Variants in DRGX observed in about 807,000 individuals in gnomAD.
The protein encoded by DRGX is dorsal root ganglia homeobox.
DRGX carries 21 observed loss-of-function variants against 28.6 expected under a neutral mutation model. The ratio of observed to expected loss-of-function variants is 0.73; its 90% CI spans 0.52 to 1.06. The LOEUF (loss-of-function observed/expected upper bound fraction) is 1.06, where lower values mean the gene tolerates loss of function less well. DRGX is among the 50% of genes least tolerant of loss of function. The pLI is 0.00. For missense variants in DRGX, 354 were observed against 343.9 expected, an observed-to-expected ratio of 1.03 and a Z score of -0.23; for synonymous variants, 136 against 139.1, an observed-to-expected ratio of 0.98 and a Z score of 0.16.
At chr10:49,392,837 A>T (rs2132487975) in intron 2 of DRGX, among the ~76,000 whole-genome samples, 1 of 152,326 alleles carries the variant, frequency 6.6e-6, no homozygotes, top group South Asian at 2.1e-4. Flanking sequence ...AAAATGCTAA[A>T]CCTTGAGGAT....
Position 49,384,081 on chromosome 10 carries a change from G to A in DRGX, c.526+2397C>T, listed in dbSNP as rs150970548. 7.2e-4 allele frequency among the ~76,000 whole-genome samples: 109 copies of A among 152,334 alleles called. 1 individual carries two copies. Among genetic ancestry groups the A allele is most frequent in the African/African-American group, 2.0e-3 (85 of 41,584 alleles). ...GCCCCAGCCTGCCTCTGCCCAACCC[G>A]AATCTGAGGGTGCCCCCAGCATGGC... On this transcript the variant is annotated intron_variant, in intron 6 of 6. Transcript: ENST00000374139.
Position 49,395,537 on chromosome 10 carries a change from C to A in DRGX, c.-81-16G>T, listed in dbSNP as rs1849958652. ...TCCTGCCTGGCTGCAAAGCAAACAG[C>A]GATAGAGCTTCAAGTCTCCCTCTGC... On this transcript the variant is annotated splice_polypyrimidine_tract_variant and intron_variant, in intron 1 of 6. Transcript: ENST00000374139. 21 of 1,400,324 alleles carry A rather than the reference C, an allele frequency of 1.5e-5. No individual in the cohort carries two copies. The highest frequency in any genetic ancestry group is 2.1e-5 in the Non-Finnish European group (21 of 1,017,228). The allele number at this position is 1,400,324 out of a possible 1,614,324, so 86.7% of individuals were successfully genotyped here. A position where few individuals can be genotyped will look rare whatever the true frequency, so the allele number is the denominator to read the frequency against.
chr10:49,386,566 T>G lies in DRGX; in HGVS notation c.438A>C (p.Ala146=). Residue 146 remains alanine (A), a synonymous_variant, in exon 6 of 7, where the codon GCA becomes GCC. Transcript: ENST00000374139. ...QQSLGRTVGP[A]GPFFPSCLPG... ...GCAAGCAGGAGGGGAAGAAAGGCCC[T>G]GCAGGACCTACCGTTCGCCCCAGGC... 6.3e-7 allele frequency: 1 copy of G among 1,591,658 alleles called. No individual in the cohort carries two copies. Among genetic ancestry groups the G allele is most frequent in the Non-Finnish European group, 8.6e-7 (1 of 1,169,074 alleles).
At position 49,365,425 on chromosome 10, in the gene DRGX, C is replaced by T. The variant is rs890286078; in HGVS notation, c.*691G>A. On this transcript the variant is annotated 3_prime_UTR_variant, in exon 7 of 7. Transcript: ENST00000374139. ...CACCCACAGTGTCAAGACAGCAGCC[C>T]CCAGTTCATGGAGCAGGTGGCCTGG... is the stretch of plus-strand genomic sequence containing the variant. 6.6e-6 allele frequency: 1 copy of T among 152,314 alleles called. No individual in the cohort carries two copies. The highest frequency in any genetic ancestry group is 2.1e-4 in the South Asian group (1 of 4,830). The allele number at this position is 152,314 out of a possible 1,614,324, so 9.4% of individuals were successfully genotyped here.
chr10:49,392,614 G>T (rs1056451088), intron 2 of DRGX, among the ~76,000 whole-genome samples: 6 of 152,078 alleles, frequency 3.9e-5, no homozygotes, highest in Admixed American at 2.0e-4. Flanking sequence ...TCACAATTTC[G>T]CTCAGTCTTC....
chr10:49,374,307 A>G (rs1453741584), intron 6 of DRGX, among the ~76,000 whole-genome samples: 1 of 152,198 alleles, frequency 6.6e-6, no homozygotes, highest in Non-Finnish European at 1.5e-5. Flanking sequence ...CACTCAGGGT[A>G]TTGACAGCAA....
In DRGX at chr10:49,380,583, G is replaced by T. The variant is rs536045056; in HGVS notation, c.526+5895C>A. On this transcript the variant is annotated intron_variant, in intron 6 of 6. Transcript: ENST00000374139. Reference sequence around the variant, plus strand: ...TGAGAGTTTCCATAAAATAAAACATGCCCACAGTGAGCCCAGCAAGCCTGC... The same window carrying T: ...TGAGAGTTTCCATAAAATAAAACATTCCCACAGTGAGCCCAGCAAGCCTGC... Among the ~76,000 whole-genome samples, 3 of 152,248 alleles carry T rather than the reference G, an allele frequency of 2.0e-5. No individual in the cohort carries two copies. In the East Asian group the frequency reaches 5.8e-4, roughly 29 times the overall value.
At chr10:49,395,301 C>G in intron 2 of DRGX, 106 bp downstream of exon 2, 1 of 1,401,878 alleles carries the variant, frequency 7.1e-7, no homozygotes, top group Non-Finnish European at 9.7e-7. Context: ...GGCGGCTGCG[C>G]CCCCCGCAGG....
rs1288356272 is a variant in DRGX at position 49,365,019 on chromosome 10, C to G, written c.*1097G>C. On this transcript the variant is annotated 3_prime_UTR_variant, in exon 7 of 7. Coordinates refer to ENST00000374139, the MANE Select transcript of DRGX (RefSeq NM_001276451.2). The stretch of plus-strand genomic sequence containing the variant: ...ACCAGAGAAAACAGCCACACTAGAC[C>G]AAAACAGAAATCTCTGTGAAATTTG... 4 of 152,224 alleles carry G rather than the reference C, an allele frequency of 2.6e-5. No individual in the cohort carries two copies. Among genetic ancestry groups the G allele is most frequent in the Non-Finnish European group, 5.9e-5 (4 of 68,080 alleles). The allele number at this position is 152,224 out of a possible 1,614,324, so 9.4% of individuals were successfully genotyped here.
chr10:49,377,740 G>T (rs994683935), intron 6 of DRGX, among the ~76,000 whole-genome samples: 3 of 152,202 alleles, frequency 2.0e-5, no homozygotes, highest in Non-Finnish European at 4.4e-5. Flanking sequence ...CCATCTGACT[G>T]CAACCTCACG....
chr10:49,365,283 CCTGGACCAGAGAGCTG>C lies in DRGX; in HGVS notation c.*817_*832del, dbSNP rs199981745. 7 of 152,438 alleles carry C rather than the reference CCTGGACCAGAGAGCTG, an allele frequency of 4.6e-5. No individual in the cohort carries two copies. In the East Asian group the frequency reaches 1.3e-3, roughly 29 times the overall value. 9.4% of individuals were successfully genotyped at this position (152,438 alleles called of 1,614,324 possible). ...CCCTCTCCAAGGGCCCTCAGGCCCT[CCTGGACCAGAGAGCTG>C]CTTTTCAGTTGCTTAACTTCCCACC... On this transcript the variant is annotated 3_prime_UTR_variant, in exon 7 of 7. Coordinates refer to ENST00000374139, the MANE Select transcript of DRGX (RefSeq NM_001276451.2).
intron 6 of DRGX, among the ~76,000 whole-genome samples, chr10:49,369,105 C>T (rs17009961): frequency 0.038 from 5,770 of 152,272 alleles, 303 homozygotes; most frequent in African/African-American, 0.12. Context: ...ATGTGCCAGA[C>T]GTAGAAGTGA....
At chr10:49,391,699 C>T (rs2132487056) in intron 2 of DRGX, 1 of 454,202 alleles carries the variant, frequency 2.2e-6, no homozygotes, top group Non-Finnish European at 4.4e-6. Flanking sequence ...TCCCTTGTTT[C>T]TATTAACAAG....
At chr10:49,371,117 G>T (rs1849654749) in intron 6 of DRGX, among the ~76,000 whole-genome samples, 1 of 151,974 alleles carries the variant, frequency 6.6e-6, no homozygotes, top group South Asian at 2.1e-4. Flanking sequence ...GCCATTTTTT[G>T]CAAAGGAAAA....
intron 6 of DRGX, among the ~76,000 whole-genome samples, chr10:49,374,915 A>G (rs779732388): frequency 1.3e-5 from 2 of 152,212 alleles, no homozygotes; most frequent in Non-Finnish European, 2.9e-5. Flanking sequence ...GATTTATGAG[A>G]CGTCTAACGC....
chr10:49,372,000 A>G (rs1466300563), intron 6 of DRGX, among the ~76,000 whole-genome samples: 1 of 152,180 alleles, frequency 6.6e-6, no homozygotes, highest in Non-Finnish European at 1.5e-5. Flanking sequence ...AAAAGAGACA[A>G]AATTTTCTGA....
intron 2 of DRGX, among the ~76,000 whole-genome samples, chr10:49,394,768 C>T (rs1849947194): frequency 6.6e-6 from 1 of 152,186 alleles, no homozygotes. Flanking sequence ...GAAATTCTGG[C>T]CTGGGGAGTG....
Position 49,386,608 on chromosome 10 carries a change from T to A in DRGX, c.414-18A>T. Reference sequence around the variant, plus strand: ...GCCCCAGGCTGGCAAAGGAAGGAGATCATATTGAGGTCTCGCCCTGTGTCT... The same window carrying A: ...GCCCCAGGCTGGCAAAGGAAGGAGAACATATTGAGGTCTCGCCCTGTGTCT... On this transcript the variant is annotated intron_variant, in intron 5 of 6. Transcript: ENST00000374139. 2 of 1,595,716 alleles carry A rather than the reference T, an allele frequency of 1.3e-6. No homozygotes were observed. The highest frequency in any genetic ancestry group is 1.7e-4 in the Middle Eastern group (1 of 5,988).
At position 49,391,070 on chromosome 10, in the gene DRGX, G is replaced by GACAAAGAAGAGTTTGTATTTTAAAATAAT. The variant is rs1849897942; in HGVS notation, c.132+93_132+94insATTATTTTAAAATACAAACTCTTCTTTGT. The GACAAAGAAGAGTTTGTATTTTAAAATAAT allele has an allele frequency of 3.1e-6, 4 of 1,298,040 alleles. No homozygotes were observed. In the Admixed American group the frequency reaches 5.8e-5, roughly 19 times the overall value. The allele number at this position is 1,298,040 out of a possible 1,614,324, so 80.4% of individuals were successfully genotyped here. ...AAAGATTCAGTTAGCATAATCAATT[G>GACAAAGAAGAGTTTGTATTTTAAAATAAT]GTCTTATTTTAAAAGACAAAGAAGA... On this transcript the variant is annotated intron_variant, in intron 3 of 6. Coordinates refer to ENST00000374139, the MANE Select transcript of DRGX (RefSeq NM_001276451.2).
Sources: allele counts gnomAD v4.1 joint callset (sites outside exome capture counted in the v4.1 genomes callset), GRCh38; gene constraint gnomAD v4.1.1; transcripts MANE v1.5; gene names NCBI Gene and HGNC (gene_info 2026-07-23, HGNC 2026-07-21).